SLC30A9: variants seen among roughly 807,000 people sequenced by gnomAD.
SLC30A9 encodes solute carrier family 30 member 9, also known as proton-coupled zinc antiporter SLC30A9, mitochondrial.
SLC30A9 carries 58 observed loss-of-function variants against 87.5 expected under a neutral mutation model. That is an observed-to-expected ratio of 0.66 (90% CI 0.54 to 0.82). The LOEUF is 0.82. SLC30A9 is among the 40% of genes least tolerant of loss of function. The probability of loss-of-function intolerance (pLI) is 0.00; values close to 1 mark genes in which losing one functional copy is unlikely to be tolerated. For synonymous variants in SLC30A9, 234 were observed against 233.0 expected, an observed-to-expected ratio of 1.00 and a Z score of -0.04; for missense variants, 557 against 679.1, an observed-to-expected ratio of 0.82 and a Z score of 2.00.
rs370133091 is a variant in SLC30A9 at position 42,078,238 on chromosome 4, A to G, written c.1575A>G (p.Glu525=). The change falls in exon 17 of 18, where the codon GAA becomes GAG. Residue 525 remains glutamate (E), a synonymous_variant. Coordinates refer to ENST00000264451, the MANE Select transcript of SLC30A9 (RefSeq NM_006345.4). ...AAATTCAAGAAGTGAAAACTCCTGAAGAACTAGAGACCTTTATGCTTAAAC... is the reference window on the plus strand; with the variant it reads ...AAATTCAAGAAGTGAAAACTCCTGAGGAACTAGAGACCTTTATGCTTAAAC... The part of the protein sequence containing the change: ...LQEIQEVKTP[E]ELETFMLKHG... 1.9e-5 allele frequency: 30 copies of G among 1,552,078 alleles called. No homozygotes were observed. The highest frequency in any genetic ancestry group is 2.5e-5 in the Non-Finnish European group (29 of 1,144,202).
chr4:42,009,859 G>C (rs1196459532), intron 2 of SLC30A9, among the ~76,000 whole-genome samples: 1 of 152,118 alleles, frequency 6.6e-6, no homozygotes, highest in Non-Finnish European at 1.5e-5. Context: ...CAGTTGTTTG[G>C]ACATTAGGTA....
At chr4:42,035,449 A>G (rs1716640271) in intron 7 of SLC30A9, 116 bp downstream of exon 7, 5 of 1,170,564 alleles carry the variant, frequency 4.3e-6, no homozygotes, top group Non-Finnish European at 6.0e-6. Flanking sequence ...TCTTGAGTAC[A>G]TTGTAGTTCA....
At chr4:42,076,295 G>T (rs1718547702) in intron 16 of SLC30A9, among the ~76,000 whole-genome samples, 1 of 151,940 alleles carries the variant, frequency 6.6e-6, no homozygotes, top group Admixed American at 6.6e-5. Context: ...TTTGCTTAAG[G>T]TCTTAAAAAA....
intron 2 of SLC30A9, among the ~76,000 whole-genome samples, chr4:42,008,218 C>G (rs1715297367): frequency 6.6e-6 from 1 of 152,200 alleles, no homozygotes; most frequent in Non-Finnish European, 1.5e-5. Context: ...GGCTCAGCCT[C>G]TTCTGGTCAT....
At chr4:42,066,405 TAAC>T (rs980152518) in intron 12 of SLC30A9, 142 bp from the exon 13 acceptor site, 5 of 473,826 alleles carry the variant, frequency 1.1e-5, no homozygotes, top group Non-Finnish European at 1.9e-5. Context: ...GATTAATTGA[TAAC>T]AACTAATTAA....
chr4:42,019,344 A>G (rs889036247), intron 3 of SLC30A9, among the ~76,000 whole-genome samples: 5 of 152,230 alleles, frequency 3.3e-5, no homozygotes, highest in African/African-American at 7.2e-5. Context: ...TGATTTATTA[A>G]CATAGACCAA....
At chr4:42,017,616 A>G (rs757359013) in intron 2 of SLC30A9, among the ~76,000 whole-genome samples, 16 of 152,016 alleles carry the variant, frequency 1.1e-4, no homozygotes, top group Non-Finnish European at 2.4e-4. Flanking sequence ...TTTAAATTTA[A>G]TGTGTTTTTT....
intron 6 of SLC30A9, among the ~76,000 whole-genome samples, chr4:42,033,734 C>T (rs1474654917): frequency 2.0e-5 from 3 of 152,118 alleles, no homozygotes; most frequent in Non-Finnish European, 2.9e-5. Context: ...TGCCACCATG[C>T]CTGGCTAATT....
intron 13 of SLC30A9, 118 bp from the exon 14 acceptor site, chr4:42,066,967 C>T (rs2153140266): frequency 3.1e-6 from 2 of 653,074 alleles, no homozygotes; most frequent in African/African-American, 1.8e-5. Flanking sequence ...ATCTCTCATA[C>T]ACTTTTTTAT....
At chr4:42,070,403 TAAAG>T (rs1718262725) in intron 14 of SLC30A9, 119 bp from the exon 15 acceptor site, 1 of 673,710 alleles carries the variant, frequency 1.5e-6, no homozygotes. Context: ...AGGAAGTAAT[TAAAG>T]AAATTAGGAA....
intron 17 of SLC30A9, among the ~76,000 whole-genome samples, chr4:42,082,216 CAAAAA>C (rs372152135): frequency 5.9e-5 from 8 of 136,460 alleles, no homozygotes; most frequent in East Asian, 2.0e-4. Flanking sequence ...GACTCCGTCT[CAAAAA>C]AAAAAAAAAT....
intron 5 of SLC30A9, 33 bp downstream of exon 5, chr4:42,022,963 A>C: frequency 7.5e-7 from 1 of 1,331,526 alleles, no homozygotes; most frequent in Non-Finnish European, 1.0e-6. Context: ...ATAAAAGTGC[A>C]AACCAAATTT....
At chr4:42,036,128 G>A (rs1376046013) in intron 7 of SLC30A9, among the ~76,000 whole-genome samples, 2 of 152,140 alleles carry the variant, frequency 1.3e-5, no homozygotes, top group Non-Finnish European at 2.9e-5. Context: ...AACTTCCAGA[G>A]TATGTTCACC....
intron 9 of SLC30A9, among the ~76,000 whole-genome samples, chr4:42,052,417 A>G (rs1344193591): frequency 2.6e-5 from 4 of 152,250 alleles, no homozygotes; most frequent in Non-Finnish European, 4.4e-5. Flanking sequence ...ATAAATTCCA[A>G]AATTCATACG....
chr4:42,070,489 C>G (rs1233636162), intron 14 of SLC30A9, 37 bp from the exon 15 acceptor site: 1 of 1,545,024 alleles, frequency 6.5e-7, no homozygotes. Flanking sequence ...ATAATATAAA[C>G]TGTTAATTTA....
At chr4:42,017,329 T>G (rs1034662840) in intron 2 of SLC30A9, among the ~76,000 whole-genome samples, 1 of 151,730 alleles carries the variant, frequency 6.6e-6, no homozygotes, top group Non-Finnish European at 1.5e-5. Flanking sequence ...TTGATTCTAT[T>G]TGTTGGAAAT....
At chr4:42,081,917 A>G (rs1718752128) in intron 17 of SLC30A9, among the ~76,000 whole-genome samples, 1 of 152,182 alleles carries the variant, frequency 6.6e-6, no homozygotes, top group Non-Finnish European at 1.5e-5. Context: ...GTCTTTGGCT[A>G]AGATAATAAA....
chr4:42,033,209 G>A (rs1716522047), intron 6 of SLC30A9, among the ~76,000 whole-genome samples: 1 of 151,974 alleles, frequency 6.6e-6, no homozygotes, highest in Non-Finnish European at 1.5e-5. Flanking sequence ...AAATTTACAT[G>A]ATTTCTTAGT....
At chr4:42,025,576 C>T (rs1716152200) in intron 6 of SLC30A9, among the ~76,000 whole-genome samples, 1 of 152,140 alleles carries the variant, frequency 6.6e-6, no homozygotes, top group Non-Finnish European at 1.5e-5. Flanking sequence ...TTCTTTAAAT[C>T]ATTGGTTTGG....
Sources: gnomAD v4.1 joint callset for allele counts (sites outside exome capture counted in the v4.1 genomes callset) on GRCh38, gnomAD v4.1.1 for gene constraint, MANE v1.5 for transcripts, NCBI Gene and HGNC (gene_info 2026-07-23, HGNC 2026-07-21) for gene names.